Variants in ABCC3 observed in about 807,000 individuals in gnomAD.
ABCC3 encodes the protein ATP-binding cassette sub-family C member 3.
Under a neutral mutation model 165.3 loss-of-function variants are expected in ABCC3, and 121 were observed. The ratio of observed to expected loss-of-function variants is 0.73; its 90% CI spans 0.63 to 0.85. The LOEUF is 0.85. Ranked by LOEUF, ABCC3 falls within the 40% of genes least tolerant of loss-of-function variation. The pLI is 0.00. For missense variants in ABCC3, 1,869 were observed against 1,964.1 expected (o/e 0.95, Z 0.92); for synonymous variants, 733 against 810.1 (o/e 0.90, Z 1.62).
intron 17 of ABCC3, among the ~76,000 whole-genome samples, chr17:50,670,224 G>A (rs534775455): frequency 2.2e-4 from 33 of 152,026 alleles, no homozygotes; most frequent in East Asian, 1.6e-3. Context: ...CTGGGATTAC[G>A]GGTGCGCACC....
At chr17:50,673,899 G>GTT (rs540824487) in intron 19 of ABCC3, among the ~76,000 whole-genome samples, 13 of 129,178 alleles carry the variant, frequency 1.0e-4, no homozygotes, top group East Asian at 2.4e-4. Flanking sequence ...CTCAGAGCCT[G>GTT]TTTTCTTTCT....
intron 1 of ABCC3, among the ~76,000 whole-genome samples, chr17:50,637,391 C>T (rs1182980684): frequency 1.3e-5 from 2 of 152,168 alleles, no homozygotes; most frequent in Non-Finnish European, 2.9e-5. Flanking sequence ...CAAAAAAGGC[C>T]TGGAGTTCTG....
chr17:50,665,224 C>G lies in ABCC3; in HGVS notation c.1410C>G (p.Ala470=). Residue 470 remains alanine (A), a synonymous_variant, in exon 11 of 31, where the codon GCC becomes GCG. Coordinates refer to ENST00000285238, the MANE Select transcript of ABCC3 (RefSeq NM_003786.4). ...VLLIPLNGAV[A]VKMRAFQVKQ... ...TGATTCCACTCAACGGAGCTGTGGC[C>G]GTGAAGATGCGCGCCTTCCAGGTAG... is the stretch of plus-strand genomic sequence containing the variant. 6.2e-7 allele frequency: 1 copy of G among 1,614,144 alleles called. No individual in the cohort carries two copies. Among genetic ancestry groups the G allele is most frequent in the Non-Finnish European group, 8.5e-7 (1 of 1,180,024 alleles).
Position 50,687,726 on chromosome 17 carries a change from A to G in ABCC3, c.4471A>G (p.Thr1491Ala). 1 of 1,611,346 alleles carries G rather than the reference A, an allele frequency of 6.2e-7. No homozygotes were observed. Among genetic ancestry groups the G allele is most frequent in the Non-Finnish European group, 8.5e-7 (1 of 1,177,672 alleles). ...AHRLNTIMDY[T>A]RVLVLDKGVV... ...CCGGCTTAACACTATCATGGACTAC[A>G]CCAGGTGGGACACGGAAACCTGAGC... The change falls in exon 30 of 31, where the codon ACC (threonine) becomes GCC (alanine). Residue 1491 changes from threonine (T) to alanine (A), a missense_variant. Physicochemically the swap from Thr to Ala is moderately conservative, Grantham distance 58. Transcript: ENST00000285238.
Position 50,649,817 on chromosome 17 carries a change from G to A in ABCC3, c.46-6015G>A, listed in dbSNP as rs374661324. Among the ~76,000 whole-genome samples, 4 of 152,190 alleles carry A rather than the reference G, an allele frequency of 2.6e-5. No individual in the cohort carries two copies. In the East Asian group the frequency reaches 7.7e-4, roughly 29 times the overall value. ...TTTTTTAATAGGATCACAGGTCACT[G>A]TGAACAATAGCCGTTCATTAAATGA... On this transcript the variant is annotated intron_variant, in intron 1 of 30. Coordinates refer to ENST00000285238, the MANE Select transcript of ABCC3 (RefSeq NM_003786.4).
chr17:50,683,424 G>T (rs199474029), intron 26 of ABCC3, among the ~76,000 whole-genome samples, 186 bp from the exon 27 acceptor site: 17 of 151,700 alleles, frequency 1.1e-4, no homozygotes, highest in Non-Finnish European at 2.2e-4. Context: ...GTTGGAGTAG[G>T]TCTGTGGGGA....
rs1046739273 is a variant in ABCC3 at position 50,650,559 on chromosome 17, C to A, written c.46-5273C>A. Among the ~76,000 whole-genome samples, 3 of 152,294 alleles carry A rather than the reference C, an allele frequency of 2.0e-5. No individual in the cohort carries two copies. In the Middle Eastern group the frequency reaches 0.01, roughly 518 times the overall value. On this transcript the variant is annotated intron_variant, in intron 1 of 30. Transcript: ENST00000285238. ...TTTTTGTCCTATACTTTCCTCTTCT[C>A]ATTTTCGAAAAATCAGTCATTTCAC...
chr17:50,679,808 C>A lies in ABCC3; in HGVS notation c.3716C>A (p.Ala1239Asp), dbSNP rs146589964. 2.5e-6 allele frequency: 4 copies of A among 1,613,926 alleles called. No individual in the cohort carries two copies. The highest frequency in any genetic ancestry group is 3.4e-6 in the Non-Finnish European group (4 of 1,179,954). ...AGTCCCTTTGGCCAGGTGACATTTGCTCTGAACTGGATGATACGAATGATG... is the reference window on the plus strand; with the variant it reads ...AGTCCCTTTGGCCAGGTGACATTTGATCTGAACTGGATGATACGAATGATG... ...SVSYSLQVTF[A>D]LNWMIRMMSD... The change falls in exon 26 of 31, where the codon GCT becomes GAT. Residue 1239 changes from alanine (A) to aspartate (D), a missense_variant. Transcript: ENST00000285238.
intron 30 of ABCC3, among the ~76,000 whole-genome samples, chr17:50,689,033 T>G (rs1021183102): frequency 4.6e-5 from 7 of 152,064 alleles, no homozygotes; most frequent in Admixed American, 3.9e-4. Context: ...TGAAACCCTG[T>G]CTCTACTAAA....
At chr17:50,649,689 GA>G (rs1967076252) in intron 1 of ABCC3, among the ~76,000 whole-genome samples, 1 of 139,074 alleles carries the variant, frequency 7.2e-6, no homozygotes, top group South Asian at 2.7e-4. Flanking sequence ...GGAGGGAAGG[GA>G]AGGAGGGAGG....
chr17:50,684,098 C>T lies in ABCC3; in HGVS notation c.4104C>T (p.Ile1368=). 14 of 1,612,982 alleles carry T rather than the reference C, an allele frequency of 8.7e-6. No individual in the cohort carries two copies. Among genetic ancestry groups the T allele is most frequent in the African/African-American group, 1.3e-5 (1 of 74,946 alleles). The change falls in exon 28 of 31, where the codon ATC becomes ATT. Residue 1368 remains isoleucine (I), a synonymous_variant. Coordinates refer to ENST00000285238, the MANE Select transcript of ABCC3 (RefSeq NM_003786.4). ...ATGACCTGCGCTCTCAGCTGACCATCATCCCGCAGGTAGGAGCCTGGCATG... is the reference window on the plus strand; with the variant it reads ...ATGACCTGCGCTCTCAGCTGACCATTATCCCGCAGGTAGGAGCCTGGCATG... ...GLHDLRSQLT[I]IPQDPILFSG... is the part of the protein sequence containing the mutation.
At chr17:50,678,319 C>A in intron 25 of ABCC3, 100 bp downstream of exon 25, 2 of 1,286,476 alleles carry the variant, frequency 1.6e-6, no homozygotes, top group Non-Finnish European at 2.0e-6. Flanking sequence ...TCAGTATGGG[C>A]ACCAGCCACA....
intron 25 of ABCC3, 108 bp from the exon 26 acceptor site, chr17:50,679,690 G>T: frequency 9.3e-7 from 1 of 1,077,888 alleles, no homozygotes; most frequent in Non-Finnish European, 1.4e-6. Context: ...TCATCCATGG[G>T]CTAGGATCCC....
Position 50,684,782 on chromosome 17 carries a change from G to T in ABCC3, c.4187G>T (p.Trp1396Leu), listed in dbSNP as rs1967993237. ...PFGSYSEEDI[W>L]WALELSHLHT... is the part of the protein sequence containing the mutation. Reference sequence around the variant, plus strand: ...GGCAGCTACTCAGAGGAGGACATTTGGTGGGCTTTGGAGCTGTCCCACCTG... The same window carrying T: ...GGCAGCTACTCAGAGGAGGACATTTTGTGGGCTTTGGAGCTGTCCCACCTG... Residue 1396 changes from tryptophan to leucine, a missense_variant, in exon 29 of 31, where the codon TGG becomes TTG. Transcript: ENST00000285238. 6.2e-7 allele frequency: 1 copy of T among 1,613,994 alleles called. No individual in the cohort carries two copies. The highest frequency in any genetic ancestry group is 1.3e-5 in the African/African-American group (1 of 74,886).
At chr17:50,673,985 T>C (rs1567835579) in intron 19 of ABCC3, among the ~76,000 whole-genome samples, 3 of 4,130 alleles carry the variant, frequency 7.3e-4, no homozygotes, top group Non-Finnish European at 1.3e-3. Context: ...TCTTTCTCTC[T>C]CTCTCTCTCT....
At chr17:50,647,257 CA>C (rs1379509018) in intron 1 of ABCC3, among the ~76,000 whole-genome samples, 1 of 152,222 alleles carries the variant, frequency 6.6e-6, no homozygotes, top group African/African-American at 2.4e-5. Context: ...CCTCTTTGTC[CA>C]GCTACTATGC....
rs566927827 is a variant in ABCC3, at chr17:50,657,053, C to T, written c.356C>T (p.Ala119Val). The T allele has an allele frequency of 1.9e-6, 3 of 1,613,286 alleles. No homozygotes were observed. Among genetic ancestry groups the T allele is most frequent in the East Asian group, 2.2e-5 (1 of 44,884 alleles). The part of the protein sequence containing the change: ...PLVVGVTMLL[A>V]TLLIQYERLQ... ...CCTGCCCTCCCTGCACAGCTGCTGG[C>T]CACCCTGCTGATACAGTATGAGCGG... The change falls in exon 4 of 31, where the codon GCC becomes GTC. Residue 119 changes from alanine to valine, a missense_variant. Coordinates refer to ENST00000285238, the MANE Select transcript of ABCC3 (RefSeq NM_003786.4).
intron 5 of ABCC3, 27 bp from the exon 6 acceptor site, chr17:50,658,408 C>G: frequency 6.2e-7 from 1 of 1,609,714 alleles, no homozygotes; most frequent in Non-Finnish European, 8.5e-7. Flanking sequence ...ACTCCTGATT[C>G]CCCCGTCCTA....
At chr17:50,665,534 G>A (rs1302611644) in intron 11 of ABCC3, among the ~76,000 whole-genome samples, 1 of 152,116 alleles carries the variant, frequency 6.6e-6, no homozygotes, top group Admixed American at 6.5e-5. Context: ...GAGTTTTCCC[G>A]CTGCACTGTG....
Sources: gnomAD v4.1 joint callset for allele counts (sites outside exome capture counted in the v4.1 genomes callset) on GRCh38, gnomAD v4.1.1 for gene constraint, MANE v1.5 for transcripts, NCBI Gene and HGNC (gene_info 2026-07-23, HGNC 2026-07-21) for gene names.